GRM8: variants seen among roughly 807,000 people sequenced by gnomAD.
The protein encoded by GRM8 is glutamate metabotropic receptor 8, also known as metabotropic glutamate receptor 8.
GRM8 carries 47 observed loss-of-function variants against 87.2 expected under a neutral mutation model. That is an observed-to-expected ratio of 0.54 (90% CI 0.43 to 0.69). The LOEUF (loss-of-function observed/expected upper bound fraction) is 0.69, where lower values mean the gene tolerates loss of function less well. GRM8 is among the 30% of genes least tolerant of loss of function. The pLI is 0.00. For synonymous variants in GRM8, 396 were observed against 404.5 expected (o/e 0.98, Z 0.25); for missense variants, 1,019 against 1,139.2 (o/e 0.89, Z 1.52).
chr7:126,632,033 G>T (rs900983533), intron 7 of GRM8, among the ~76,000 whole-genome samples: 2 of 152,156 alleles, frequency 1.3e-5, no homozygotes, highest in Non-Finnish European at 1.5e-5. Flanking sequence ...TGACAAATTG[G>T]ATCTAATTAT....
At chr7:126,620,309 C>A (rs1338230513) in intron 7 of GRM8, among the ~76,000 whole-genome samples, 1 of 152,166 alleles carries the variant, frequency 6.6e-6, no homozygotes, top group East Asian at 1.9e-4. Flanking sequence ...TTTCCATCCA[C>A]ATGTGCTAGT....
chr7:126,444,451 A>G (rs994211060), intron 10 of GRM8, among the ~76,000 whole-genome samples: 4 of 152,084 alleles, frequency 2.6e-5, no homozygotes, highest in African/African-American at 9.7e-5. Flanking sequence ...AAAGGTGAAT[A>G]TGTGGAGGGT....
At chr7:126,678,797 A>T (rs1807251548) in intron 7 of GRM8, among the ~76,000 whole-genome samples, 1 of 152,224 alleles carries the variant, frequency 6.6e-6, no homozygotes, top group Admixed American at 6.5e-5. Context: ...AAAATTGACT[A>T]ACAGTGAGGA....
chr7:126,704,663 G>A (rs1369150990), intron 7 of GRM8, among the ~76,000 whole-genome samples: 2 of 152,060 alleles, frequency 1.3e-5, no homozygotes, highest in Non-Finnish European at 2.9e-5. Flanking sequence ...TGGACCCTTG[G>A]GTCTGGCTGT....
At chr7:127,192,232 G>C (rs1008359483) in intron 2 of GRM8, among the ~76,000 whole-genome samples, 2 of 152,164 alleles carry the variant, frequency 1.3e-5, no homozygotes, top group Non-Finnish European at 2.9e-5. Context: ...CATAAAAGAA[G>C]AACATATGTT....
rs61674303 is a variant in GRM8 at position 127,223,443 on chromosome 7, G to GCACACA, written c.510+19246_510+19251dup. Among the ~76,000 whole-genome samples, 558 of 144,036 alleles carry GCACACA rather than the reference G, an allele frequency of 3.9e-3. 6 individuals are homozygous for GCACACA. The highest frequency in any genetic ancestry group is 0.027 in the Admixed American group (380 of 14,102). 94.5% of individuals were successfully genotyped at this position (144,036 alleles called of 152,430 possible). A position where few individuals can be genotyped will look rare whatever the true frequency, so the allele number is the denominator to read the frequency against. ...CTCGAAACACACCACACACACACAC[G>GCACACA]CACACACACACACACACACACACAC... On this transcript the variant is annotated intron_variant, in intron 2 of 10. Transcript: ENST00000339582.
At chr7:126,808,860 G>T (rs1793026944) in intron 6 of GRM8, among the ~76,000 whole-genome samples, 2 of 152,116 alleles carry the variant, frequency 1.3e-5, no homozygotes, top group South Asian at 4.1e-4. Context: ...TACATTTGAT[G>T]CCTACCACAG....
chr7:126,486,650 T>C (rs1023187314), intron 9 of GRM8, among the ~76,000 whole-genome samples: 2 of 152,134 alleles, frequency 1.3e-5, no homozygotes, highest in East Asian at 1.9e-4. Flanking sequence ...CAGTGCTTTG[T>C]TTTTTGTGGA....
chr7:126,989,958 A>T (rs1005735441), intron 3 of GRM8, among the ~76,000 whole-genome samples: 2 of 152,078 alleles, frequency 1.3e-5, no homozygotes, highest in Non-Finnish European at 2.9e-5. Flanking sequence ...CTCAAAAAAA[A>T]AATGGGGGAT....
intron 9 of GRM8, among the ~76,000 whole-genome samples, chr7:126,497,792 G>C (rs996069160): frequency 2.6e-5 from 4 of 152,004 alleles, no homozygotes; most frequent in Non-Finnish European, 5.9e-5. Context: ...ATGATAGGCA[G>C]TAGTAACCTA....
intron 7 of GRM8, among the ~76,000 whole-genome samples, chr7:126,751,294 T>TG (rs1325210085): frequency 1.6e-5 from 2 of 124,222 alleles, no homozygotes; most frequent in African/African-American, 2.6e-5. Flanking sequence ...GCTTCTTTTT[T>TG]GAAAAAAAAG....
intron 1 of GRM8, among the ~76,000 whole-genome samples, chr7:127,247,984 C>A (rs1056131047): frequency 5.3e-5 from 8 of 152,066 alleles, no homozygotes; most frequent in Admixed American, 2.0e-4. Context: ...ACTTACTAAA[C>A]AGATAAATTG....
chr7:126,481,712 C>T (rs868393510), intron 9 of GRM8, among the ~76,000 whole-genome samples: 1 of 151,848 alleles, frequency 6.6e-6, no homozygotes, highest in Non-Finnish European at 1.5e-5. Context: ...CTTAAGATAA[C>T]GTGGGATCCA....
At chr7:126,634,326 A>C (rs1301623830) in intron 7 of GRM8, among the ~76,000 whole-genome samples, 1 of 152,148 alleles carries the variant, frequency 6.6e-6, no homozygotes. Context: ...CTGCAGTGCC[A>C]CATAAAATAA....
chr7:126,558,221 T>A (rs1387809211), intron 8 of GRM8, among the ~76,000 whole-genome samples: 1 of 152,198 alleles, frequency 6.6e-6, no homozygotes, highest in Non-Finnish European at 1.5e-5. Flanking sequence ...AGAGCAAAAA[T>A]GGCTAATAGC....
chr7:126,950,787 C>T (rs940892017), intron 3 of GRM8, among the ~76,000 whole-genome samples: 3 of 152,018 alleles, frequency 2.0e-5, no homozygotes, highest in Non-Finnish European at 2.9e-5. Context: ...AAATAACTTA[C>T]CCAAATTCAC....
chr7:127,248,786 C>A lies in GRM8; in HGVS notation c.-312+4011G>T, dbSNP rs576220775. Among the ~76,000 whole-genome samples, 6 of 152,304 alleles carry A rather than the reference C, an allele frequency of 3.9e-5. No individual in the cohort carries two copies. The South Asian group carries it at 1.2e-3, about 32-fold the overall frequency. Reference sequence around the variant, plus strand: ...CTAAGAAAACCACTTTCTCATCACGCTTGGGTCTAGTCAGACCTTAACAAC... The same window carrying A: ...CTAAGAAAACCACTTTCTCATCACGATTGGGTCTAGTCAGACCTTAACAAC... On this transcript the variant is annotated intron_variant, in intron 1 of 10. Transcript: ENST00000339582.
At chr7:126,809,368 C>A (rs1270766335) in intron 6 of GRM8, among the ~76,000 whole-genome samples, 4 of 152,138 alleles carry the variant, frequency 2.6e-5, no homozygotes, top group African/African-American at 9.7e-5. Context: ...TTTTACCTGA[C>A]ATTGCATGGG....
chr7:127,004,574 G>T (rs950421040), intron 3 of GRM8, among the ~76,000 whole-genome samples: 17 of 151,418 alleles, frequency 1.1e-4, no homozygotes, highest in African/African-American at 3.4e-4. Context: ...AAGGACACGA[G>T]AAATTCCTGG....
Sources: gnomAD v4.1 joint callset for allele counts (sites outside exome capture counted in the v4.1 genomes callset) on GRCh38, gnomAD v4.1.1 for gene constraint, MANE v1.5 for transcripts, NCBI Gene and HGNC (gene_info 2026-07-23, HGNC 2026-07-21) for gene names.